Variants in COL27A1 observed in about 807,000 individuals in gnomAD.
COL27A1 encodes the protein collagen type XXVII alpha 1 chain.
COL27A1 carries 106 observed loss-of-function variants against 251.3 expected under a neutral mutation model. The observed-to-expected ratio is 0.42, with a 90% confidence interval of 0.36 to 0.50. The LOEUF (loss-of-function observed/expected upper bound fraction) is 0.50. Ranked by LOEUF, COL27A1 falls within the 20% of genes least tolerant of loss-of-function variation. COL27A1 has a pLI of 0.00. For synonymous variants in COL27A1, 1,000 were observed against 986.3 expected, an observed-to-expected ratio of 1.01 and a Z score of -0.26; for missense variants, 2,325 against 2,522.8, an observed-to-expected ratio of 0.92 and a Z score of 1.68.
chr9:114,196,798 G>A (rs753364587), intron 7 of COL27A1, among the ~76,000 whole-genome samples: 4 of 152,120 alleles, frequency 2.6e-5, no homozygotes, highest in Non-Finnish European at 4.4e-5. Context: ...TAGTGGGTCT[G>A]TAACTTACAG....
rs1222854553 is a variant in COL27A1 at position 114,195,961 on chromosome 9, T to C, written c.2073T>C (p.Gly691=). 1.4e-5 allele frequency: 22 copies of C among 1,613,286 alleles called. No homozygotes were observed. In the African/African-American group the frequency reaches 2.7e-4, roughly 20 times the overall value. Residue 691 remains glycine, a splice_region_variant and synonymous_variant, in exon 7 of 61, where the codon GGT becomes GGC. Coordinates refer to ENST00000356083, the MANE Select transcript of COL27A1 (RefSeq NM_032888.4). ...CCCACCTTGTCTGTGTCTTCCAGGG[T>C]GACATGGGCTTGCCTGGGCTCTCCG... ...SPGKAHDGAK[G]DMGLPGLSGN... is the part of the protein sequence containing the mutation.
At chr9:114,301,815 C>T in intron 55 of COL27A1, 98 bp downstream of exon 55, 1 of 1,214,912 alleles carries the variant, frequency 8.2e-7, no homozygotes, top group South Asian at 1.4e-5. Context: ...ACCCTGAACC[C>T]CACAGGGGTT....
intron 12 of COL27A1, among the ~76,000 whole-genome samples, chr9:114,213,985 C>T (rs1257210833): frequency 6.6e-6 from 1 of 152,174 alleles, no homozygotes; most frequent in African/African-American, 2.4e-5. Flanking sequence ...CCCTTGAGAG[C>T]CATGAAAATA....
chr9:114,157,329 C>T (rs1366766018), intron 1 of COL27A1, among the ~76,000 whole-genome samples: 5 of 152,244 alleles, frequency 3.3e-5, no homozygotes, highest in South Asian at 4.1e-4. Flanking sequence ...GCATCATGTG[C>T]GCTCTGGCGC....
At chr9:114,162,004 C>T (rs926851850) in intron 1 of COL27A1, among the ~76,000 whole-genome samples, 1 of 152,220 alleles carries the variant, frequency 6.6e-6, no homozygotes, top group African/African-American at 2.4e-5. Context: ...ATAAGACAGG[C>T]TCAGAGAGGC....
intron 12 of COL27A1, among the ~76,000 whole-genome samples, chr9:114,216,227 G>A (rs935877019): frequency 1.3e-5 from 2 of 152,232 alleles, no homozygotes; most frequent in African/African-American, 2.4e-5. Flanking sequence ...AGAGGGGCCC[G>A]ACCTGGGAAA....
intron 12 of COL27A1, among the ~76,000 whole-genome samples, chr9:114,214,788 G>A (rs746364256): frequency 9.2e-5 from 14 of 152,214 alleles, no homozygotes; most frequent in Non-Finnish European, 1.8e-4. Context: ...CTAAGAGAAC[G>A]TGTTGTGGTT....
chr9:114,253,286 A>G lies in COL27A1; in HGVS notation c.3141+354A>G, dbSNP rs116310638. Among the ~76,000 whole-genome samples, 928 of 138,082 alleles carry G rather than the reference A, an allele frequency of 6.7e-3. 15 individuals are homozygous for G. Among genetic ancestry groups the G allele is most frequent in the African/African-American group, 0.026 (858 of 32,838 alleles). The allele number at this position is 138,082 out of a possible 152,430, so 90.6% of individuals were successfully genotyped here. A position where few individuals can be genotyped will look rare whatever the true frequency, so the allele number is the denominator to read the frequency against. On this transcript the variant is annotated intron_variant, in intron 27 of 60. Transcript: ENST00000356083. The stretch of plus-strand genomic sequence containing the variant: ...AAAAAAGAAAGGAAAAGAAAGAAAG[A>G]GACAGAGAAAAAGAAAGAAAGAAAG...
intron 49 of COL27A1, among the ~76,000 whole-genome samples, chr9:114,296,877 T>C (rs1478856682): frequency 6.6e-6 from 1 of 152,204 alleles, no homozygotes; most frequent in Non-Finnish European, 1.5e-5. Context: ...AGTAAATGGA[T>C]TGAACTATTA....
chr9:114,251,684 C>T (rs77343663), intron 25 of COL27A1, among the ~76,000 whole-genome samples: 5 of 152,166 alleles, frequency 3.3e-5, no homozygotes, highest in East Asian at 3.9e-4. Context: ...CCATTGACTG[C>T]GCCATTCCCT....
At chr9:114,301,811 A>C (rs1409323722) in intron 55 of COL27A1, 94 bp downstream of exon 55, 1 of 1,261,148 alleles carries the variant, frequency 7.9e-7, no homozygotes, top group Non-Finnish European at 1.1e-6. Flanking sequence ...CTTGACCCTG[A>C]ACCCCACAGG....
chr9:114,185,618 C>T (rs534011936), intron 5 of COL27A1, among the ~76,000 whole-genome samples: 1 of 152,368 alleles, frequency 6.6e-6, no homozygotes, highest in South Asian at 2.1e-4. Context: ...AGCAGATCCC[C>T]TTTGGGATGG....
Position 114,270,753 on chromosome 9 carries a change from G to A in COL27A1, c.3581G>A (p.Ser1194Asn). 6.2e-7 allele frequency: 1 copy of A among 1,613,108 alleles called. No individual in the cohort carries two copies. Among genetic ancestry groups the A allele is most frequent in the Non-Finnish European group, 8.5e-7 (1 of 1,179,530 alleles). Reference sequence around the variant, plus strand: ...GGAGAGCCAGGCCTTGAGGGTGACAGTGGCCCCATGGGACCTGATGGGCTG... The same window carrying A: ...GGAGAGCCAGGCCTTGAGGGTGACAATGGCCCCATGGGACCTGATGGGCTG... ...QRGEPGLEGD[S>N]GPMGPDGLKG... is the part of the protein sequence containing the mutation. The change falls in exon 36 of 61, where the codon AGT (serine) becomes AAT (asparagine). Residue 1194 changes from serine to asparagine, a missense_variant. By Grantham distance (46) the Ser-to-Asn change is conservative. Transcript: ENST00000356083.
intron 2 of COL27A1, among the ~76,000 whole-genome samples, chr9:114,166,075 G>A (rs1410257603): frequency 6.8e-6 from 1 of 147,266 alleles, no homozygotes; most frequent in Admixed American, 6.8e-5. Flanking sequence ...CATCCATCCA[G>A]CCAGTCATTA....
intron 7 of COL27A1, among the ~76,000 whole-genome samples, chr9:114,198,771 C>T (rs1221665305): frequency 6.6e-6 from 1 of 152,164 alleles, no homozygotes; most frequent in East Asian, 1.9e-4. Context: ...GGCCAGTTCC[C>T]AAGGTGGGGA....
At chr9:114,218,117 A>G (rs1036772028) in intron 12 of COL27A1, 1 of 249,950 alleles carries the variant, frequency 4.0e-6, no homozygotes, top group Non-Finnish European at 7.9e-6. Context: ...ATGAAAAAAA[A>G]AGAAGGATCC....
intron 57 of COL27A1, 39 bp from the exon 58 acceptor site, chr9:114,306,481 G>T: frequency 1.2e-6 from 2 of 1,607,962 alleles, no homozygotes; most frequent in Non-Finnish European, 1.7e-6. Flanking sequence ...GCTGGACCAG[G>T]ACCCTAAGGT....
At chr9:114,202,056 C>G (rs1471182536) in intron 7 of COL27A1, among the ~76,000 whole-genome samples, 1 of 152,206 alleles carries the variant, frequency 6.6e-6, no homozygotes, top group Non-Finnish European at 1.5e-5. Context: ...AGCAAGGAGT[C>G]CATGAACTGA....
intron 39 of COL27A1, among the ~76,000 whole-genome samples, chr9:114,283,247 A>C (rs1836043643): frequency 6.6e-6 from 1 of 152,238 alleles, no homozygotes; most frequent in Admixed American, 6.5e-5. Context: ...GTTACACGGC[A>C]GCCCTCCCTT....
Sources: allele counts gnomAD v4.1 joint callset (sites outside exome capture counted in the v4.1 genomes callset), GRCh38; gene constraint gnomAD v4.1.1; transcripts MANE v1.5; gene names NCBI Gene and HGNC (gene_info 2026-07-23, HGNC 2026-07-21).